COL4A6: variants seen among roughly 807,000 people sequenced by gnomAD.
COL4A6 encodes collagen alpha-6(IV) chain.
In COL4A6, 59 loss-of-function variants were observed where a neutral mutation model predicts 126.7. The observed-to-expected ratio is 0.47, with a 90% confidence interval of 0.38 to 0.58. COL4A6 has a LOEUF of 0.58. Among genes scored for constraint, COL4A6 ranks in the 20% least tolerant of loss-of-function variants. The pLI is 0.00. For synonymous variants in COL4A6, 547 were observed against 496.6 expected, an observed-to-expected ratio of 1.10 and a Z score of -1.35; for missense variants, 1,285 against 1,337.3, an observed-to-expected ratio of 0.96 and a Z score of 0.61.
chrX:108,331,545 G>A (rs181490136), intron 2 of COL4A6, among the ~76,000 whole-genome samples: 71 of 111,944 alleles, frequency 6.3e-4, no homozygotes, highest in South Asian at 3.0e-3. Flanking sequence ...AAAATACTAT[G>A]TAACCACTGT....
intron 23 of COL4A6, among the ~76,000 whole-genome samples, chrX:108,183,007 A>C (rs1033352475): frequency 8.9e-6 from 1 of 112,327 alleles, no homozygotes; most frequent in African/African-American, 3.2e-5. Context: ...AACCAGAGGA[A>C]ATCAACGACA....
chrX:108,222,005 C>T (rs1205744094), intron 3 of COL4A6, among the ~76,000 whole-genome samples: 1 of 112,631 alleles, frequency 8.9e-6, no homozygotes, highest in Non-Finnish European at 1.9e-5. Flanking sequence ...ATCCCTCTCT[C>T]CTCTCCTCTC....
At chrX:108,302,764 C>T (rs1391534452) in intron 3 of COL4A6, among the ~76,000 whole-genome samples, 1 of 110,709 alleles carries the variant, frequency 9.0e-6, no homozygotes, top group South Asian at 3.9e-4. Flanking sequence ...ACAGGAAAGC[C>T]GAAGAAAGCC....
At chrX:108,438,466 G>C (rs2064315922), upstream of COL4A6, 1 of 992,204 alleles carries the variant, frequency 1.0e-6, no homozygotes. Flanking sequence ...GGAAAGGGGC[G>C]GGGCTGTCTG....
Position 108,190,440 on chromosome X carries a change from G to T in COL4A6, c.1378C>A (p.Arg460=). The stretch of plus-strand genomic sequence containing the variant: ...TTTCCTTTTGGACCTTGTTCTCCTC[G>T]GAGACCAGGGAACCCTGACTCTTTG... The part of the protein sequence containing the change: ...HNKESGFPGL[R]GEQGPKGNLG... The change falls in exon 20 of 45, where the codon CGA becomes AGA. Residue 460 remains arginine (R), a synonymous_variant. Transcript: ENST00000334504. 8.3e-7 allele frequency: 1 copy of T among 1,207,164 alleles called. No homozygotes were observed. The highest frequency in any genetic ancestry group is 1.1e-6 in the Non-Finnish European group (1 of 892,332).
In COL4A6 at chrX:108,196,142, C is replaced by T. The variant is rs746991093; in HGVS notation, c.903+369G>A. ...TGGCCCTCTTTCTTCCATTCCTGTGCCACTTCCCTGCTCAATTCCCTCAGA... is the reference window on the plus strand; with the variant it reads ...TGGCCCTCTTTCTTCCATTCCTGTGTCACTTCCCTGCTCAATTCCCTCAGA... On this transcript the variant is annotated intron_variant, in intron 14 of 44. Coordinates refer to ENST00000334504, the MANE Select transcript of COL4A6 (RefSeq NM_033641.4). Among the ~76,000 whole-genome samples the T allele has an allele frequency of 2.7e-5, 3 of 111,604 alleles. No individual in the cohort carries two copies. In the East Asian group the frequency reaches 8.5e-4, roughly 32 times the overall value.
intron 2 of COL4A6, among the ~76,000 whole-genome samples, chrX:108,425,527 G>T (rs1395048206): frequency 1.8e-5 from 2 of 110,074 alleles, no homozygotes; most frequent in African/African-American, 6.6e-5. Flanking sequence ...GAGGTCAGGA[G>T]ATCGAGACCA....
At chrX:108,285,834 G>A (rs190812273) in intron 3 of COL4A6, among the ~76,000 whole-genome samples, 1 of 111,997 alleles carries the variant, frequency 8.9e-6, no homozygotes, top group East Asian at 2.8e-4. Flanking sequence ...TAACAGCCAG[G>A]TGATTCAAGA....
At chrX:108,202,287 A>G (rs985648389) in intron 13 of COL4A6, among the ~76,000 whole-genome samples, 4 of 111,322 alleles carry the variant, frequency 3.6e-5, no homozygotes, top group Non-Finnish European at 7.5e-5. Flanking sequence ...CTATAGATTC[A>G]TCTGTTTACT....
intron 3 of COL4A6, among the ~76,000 whole-genome samples, chrX:108,292,648 A>G (rs185491798): frequency 2.7e-5 from 3 of 111,509 alleles, no homozygotes; most frequent in African/African-American, 9.8e-5. Flanking sequence ...CCAAGGACAT[A>G]TCTATAGGAC....
At chrX:108,207,865 G>GTCCTGAAT (rs767384213) in intron 8 of COL4A6, among the ~76,000 whole-genome samples, 14 of 110,667 alleles carry the variant, frequency 1.3e-4, no homozygotes, top group Non-Finnish European at 2.6e-4. Context: ...TCCATGAGAG[G>GTCCTGAAT]TCCTGAATCC....
At chrX:108,274,887 C>A (rs1446471149) in intron 3 of COL4A6, among the ~76,000 whole-genome samples, 5 of 111,319 alleles carry the variant, frequency 4.5e-5, no homozygotes, top group African/African-American at 1.6e-4. Flanking sequence ...ATTCTAGCAC[C>A]TTTGCCATGT....
Position 108,169,498 on chromosome X carries a change from G to T in COL4A6, c.3688C>A (p.Arg1230=), listed in dbSNP as rs1329547646. The T allele has an allele frequency of 7.4e-6, 9 of 1,211,365 alleles. No individual in the cohort carries two copies. Among genetic ancestry groups the T allele is most frequent in the Middle Eastern group, 2.3e-4 (1 of 4,349 alleles). ...KPGLRGQKGD[R]GFPGLQGPAG... Reference sequence around the variant, plus strand: ...ACAAGGCCTGACTTGGACTCACCTCGATCACCTTTTTGCCCTCTCAGGCCC... The same window carrying T: ...ACAAGGCCTGACTTGGACTCACCTCTATCACCTTTTTGCCCTCTCAGGCCC... The change falls in exon 37 of 45, where the codon CGA becomes AGA. Residue 1230 remains arginine, a synonymous_variant. Transcript: ENST00000334504.
At chrX:108,395,764 CA>C (rs2040949675) in intron 2 of COL4A6, among the ~76,000 whole-genome samples, 2 of 111,966 alleles carry the variant, frequency 1.8e-5, no homozygotes, top group South Asian at 7.5e-4. Context: ...GGGTCTCTCA[CA>C]AAGATAGTAA....
intron 2 of COL4A6, among the ~76,000 whole-genome samples, chrX:108,382,005 CT>C (rs774980747): frequency 3.2e-4 from 36 of 111,463 alleles, no homozygotes; most frequent in African/African-American, 1.1e-3. Context: ...TTTTTACCCT[CT>C]TTTTTATTTT....
At chrX:108,241,093 A>C (rs73636388) in intron 3 of COL4A6, among the ~76,000 whole-genome samples, 4,942 of 110,684 alleles carry the variant, frequency 0.045, 248 homozygotes, top group African/African-American at 0.14. Flanking sequence ...TTGGGCCCCT[A>C]TAAATATCAT....
intron 3 of COL4A6, among the ~76,000 whole-genome samples, chrX:108,303,801 A>G (rs970344721): frequency 3.6e-5 from 4 of 111,887 alleles, no homozygotes; most frequent in African/African-American, 1.3e-4. Flanking sequence ...AGGAGCATCT[A>G]GAAGCAGCAG....
chrX:108,160,686 G>A, intron 42 of COL4A6, 32 bp from the exon 43 acceptor site: 2 of 1,143,004 alleles, frequency 1.7e-6, no homozygotes, highest in Middle Eastern at 2.5e-4. Context: ...AGGTGAGTGT[G>A]GTGCAGCTAA....
At chrX:108,415,700 C>T (rs182402428) in intron 2 of COL4A6, among the ~76,000 whole-genome samples, 4 of 112,279 alleles carry the variant, frequency 3.6e-5, no homozygotes, top group African/African-American at 1.3e-4. Context: ...GAATGATCAA[C>T]CTTTCAATTT....
Sources: gnomAD v4.1 joint callset for allele counts (sites outside exome capture counted in the v4.1 genomes callset) on GRCh38, gnomAD v4.1.1 for gene constraint, MANE v1.5 for transcripts, NCBI Gene and HGNC (gene_info 2026-07-23, HGNC 2026-07-21) for gene names.